ATE1: variants seen among roughly 807,000 people sequenced by gnomAD.
ATE1 encodes arginyl-tRNA--protein transferase 1.
Under a neutral mutation model 70.5 loss-of-function variants are expected in ATE1, and 36 were observed. The ratio of observed to expected loss-of-function variants is 0.51; its 90% CI spans 0.39 to 0.67. The LOEUF (loss-of-function observed/expected upper bound fraction) is 0.67, where lower values mean the gene tolerates loss of function less well. Ranked by LOEUF, ATE1 falls within the 30% of genes least tolerant of loss-of-function variation. The pLI is 0.00. For synonymous variants in ATE1, 232 were observed against 219.3 expected (o/e 1.06, Z -0.51); for missense variants, 593 against 629.5 (o/e 0.94, Z 0.62).
At chr10:121,744,374 G>A (rs1347338347) in intron 11 of ATE1, among the ~76,000 whole-genome samples, 3 of 152,064 alleles carry the variant, frequency 2.0e-5, no homozygotes, top group African/African-American at 7.2e-5. Flanking sequence ...CATGCTGAAG[G>A]TGATAAAGAC....
At chr10:121,923,706 A>T (rs563575264) in intron 2 of ATE1, among the ~76,000 whole-genome samples, 1 of 152,328 alleles carries the variant, frequency 6.6e-6, no homozygotes, top group South Asian at 2.1e-4. Flanking sequence ...ACATAAAAAT[A>T]ACTACTCAAA....
intron 7 of ATE1, among the ~76,000 whole-genome samples, chr10:121,871,487 A>G (rs1414504454): frequency 1.3e-5 from 2 of 152,160 alleles, no homozygotes; most frequent in African/African-American, 4.8e-5. Context: ...AAGATAAAAC[A>G]GACTAGACAT....
At chr10:121,743,916 CTTTTTTTT>C (rs35850942) in intron 11 of ATE1, 58 bp from the exon 12 acceptor site, 77 of 870,702 alleles carry the variant, frequency 8.8e-5, no homozygotes, top group Middle Eastern at 4.2e-4. Context: ...TTTTTGTTTC[CTTTTTTTT>C]TTTTTTTTTT....
At chr10:121,873,653 C>CAAAAT in intron 7 of ATE1, among the ~76,000 whole-genome samples, 1 of 150,640 alleles carries the variant, frequency 6.6e-6, no homozygotes, top group African/African-American at 2.4e-5. Context: ...TCAAAAGATC[C>CAAAAT]TAGCAATTTG....
chr10:121,902,760 T>C (rs1163417166), intron 5 of ATE1, 140 bp from the exon 6 acceptor site: 2 of 832,050 alleles, frequency 2.4e-6, no homozygotes, highest in East Asian at 5.3e-5. Flanking sequence ...CAGAGGATCC[T>C]GATACAGAGC....
At chr10:121,848,050 G>A (rs1188736767) in intron 8 of ATE1, among the ~76,000 whole-genome samples, 6 of 151,988 alleles carry the variant, frequency 3.9e-5, no homozygotes, top group South Asian at 2.1e-4. Context: ...TGGCCTGGGC[G>A]ACAGAGCAAG....
chr10:121,742,426 T>A lies in ATE1; in HGVS notation c.*1254A>T, dbSNP rs1944179339. 1 of 152,166 alleles carries A rather than the reference T, an allele frequency of 6.6e-6. No individual in the cohort carries two copies. The highest frequency in any genetic ancestry group is 6.6e-5 in the Admixed American group (1 of 15,266). 9.4% of individuals were successfully genotyped at this position (152,166 alleles called of 1,614,324 possible). ...GGCAAAGTGGGGACTAAAAACGGCT[T>A]GCTGGCCAAATAGCTGGTAGCAGAA... On this transcript the variant is annotated 3_prime_UTR_variant, in exon 12 of 12. Coordinates refer to ENST00000224652, the MANE Select transcript of ATE1 (RefSeq NM_001001976.3).
At chr10:121,924,364 G>A in intron 1 of ATE1, 35 bp from the exon 2 acceptor site, 1 of 1,589,806 alleles carries the variant, frequency 6.3e-7, no homozygotes. Context: ...TTACGGCAGG[G>A]TAACCTTTTT....
At position 121,745,685 on chromosome 10, in the gene ATE1, T is replaced by C. The variant is rs538219250; in HGVS notation, c.1379-1827A>G. ...GAGTTTGCAGTGAGCCGAGATGGCATCACTGCACTCCAGCCTGGGCGACAG... is the reference window on the plus strand; with the variant it reads ...GAGTTTGCAGTGAGCCGAGATGGCACCACTGCACTCCAGCCTGGGCGACAG... On this transcript the variant is annotated intron_variant, in intron 11 of 11. Coordinates refer to ENST00000224652, the MANE Select transcript of ATE1 (RefSeq NM_001001976.3). 6.8e-3 allele frequency among the ~76,000 whole-genome samples: 1,031 copies of C among 152,020 alleles called. 10 individuals are homozygous for C. The highest frequency in any genetic ancestry group is 0.022 in the African/African-American group (931 of 41,466).
At chr10:121,811,954 T>C (rs980208772) in intron 10 of ATE1, among the ~76,000 whole-genome samples, 1,744 of 131,046 alleles carry the variant, frequency 0.013, 17 homozygotes, top group African/African-American at 0.047. Flanking sequence ...CCAAATTCTT[T>C]TTTTTTTTTT....
At chr10:121,903,844 A>T (rs35047992) in intron 5 of ATE1, among the ~76,000 whole-genome samples, 27,244 of 152,078 alleles carry the variant, frequency 0.18, 3,157 homozygotes, top group Non-Finnish European at 0.26. Flanking sequence ...AAATAAAAAA[A>T]TTTTTACTAT....
chr10:121,910,842 G>C (rs1388193728), intron 5 of ATE1, 64 bp downstream of exon 5: 1 of 1,607,766 alleles, frequency 6.2e-7, no homozygotes, highest in Non-Finnish European at 8.5e-7. Context: ...AAGACCCAGG[G>C]TTTAAAATGA....
chr10:121,921,631 C>T (rs1951884904), intron 3 of ATE1, among the ~76,000 whole-genome samples: 1 of 151,946 alleles, frequency 6.6e-6, no homozygotes, highest in African/African-American at 2.4e-5. Flanking sequence ...GCCTGGGCAC[C>T]ATAGTGAAGA....
intron 10 of ATE1, among the ~76,000 whole-genome samples, chr10:121,794,772 G>A (rs1459974908): frequency 6.6e-6 from 1 of 151,856 alleles, no homozygotes. Context: ...AATGCTCACT[G>A]GCAAAAAAAG....
At position 121,911,002 on chromosome 10, in the gene ATE1, GTTC is replaced by G; in HGVS notation, c.484_486del (p.Glu162del). 7.4e-6 allele frequency: 12 copies of G among 1,613,910 alleles called. No individual in the cohort carries two copies. Among genetic ancestry groups the G allele is most frequent in the Non-Finnish European group, 1.0e-5 (12 of 1,179,978 alleles). On this transcript the variant is annotated inframe_deletion, in exon 5 of 12. Transcript: ENST00000224652. ...TCTTGTGACTGAAGTAATTCCTGAG[GTTC>G]TTCTTTCTTTGAATTTTTTCCTTCA... is the stretch of plus-strand genomic sequence containing the variant.
chr10:121,914,720 G>A (rs192229787), intron 3 of ATE1, among the ~76,000 whole-genome samples: 63 of 152,266 alleles, frequency 4.1e-4, no homozygotes, highest in Middle Eastern at 3.4e-3. Flanking sequence ...GCAGAAAACT[G>A]CAAACTTGCA....
rs140957518 is a variant in ATE1, at chr10:121,926,679, C to T, written c.106+1165G>A. 1.6e-3 allele frequency: 1,527 copies of T among 970,456 alleles called. 32 individuals carry two copies. In the African/African-American group the frequency reaches 0.025, roughly 16 times the overall value. The allele number at this position is 970,456 out of a possible 1,614,324, so 60.1% of individuals were successfully genotyped here. On this transcript the variant is annotated intron_variant, in intron 1 of 11. Coordinates refer to ENST00000224652, the MANE Select transcript of ATE1 (RefSeq NM_001001976.3). ...TTTGATAAATATTATAGCCAAAATA[C>T]AAAAATTCTGAAAAAGAGAAGGTAG...
At chr10:121,858,214 T>A (rs995581167) in intron 8 of ATE1, among the ~76,000 whole-genome samples, 1 of 152,206 alleles carries the variant, frequency 6.6e-6, no homozygotes, top group African/African-American at 2.4e-5. Context: ...CCAGATGACA[T>A]GGTAATTCTA....
At chr10:121,852,031 C>T (rs997325693) in intron 8 of ATE1, among the ~76,000 whole-genome samples, 1 of 152,234 alleles carries the variant, frequency 6.6e-6, no homozygotes, top group Admixed American at 6.5e-5. Context: ...TCTCTTTACC[C>T]ACCTGCTTCT....
Sources: allele counts gnomAD v4.1 joint callset (sites outside exome capture counted in the v4.1 genomes callset), GRCh38; gene constraint gnomAD v4.1.1; transcripts MANE v1.5; gene names NCBI Gene and HGNC (gene_info 2026-07-23, HGNC 2026-07-21).